The following ZNF18 variants were observed in gnomAD, a reference collection of about 807,000 sequenced individuals.
The protein encoded by ZNF18 is heart development-specific gene 1 protein.
Under a neutral mutation model 58.1 loss-of-function variants are expected in ZNF18, and 42 were observed. The ratio of observed to expected loss-of-function variants is 0.72; its 90% CI spans 0.56 to 0.93. The LOEUF (loss-of-function observed/expected upper bound fraction) is 0.93. Ranked by LOEUF, ZNF18 falls within the 40% of genes least tolerant of loss-of-function variation. The probability of loss-of-function intolerance (pLI) is 0.00; values close to 1 mark genes in which losing one functional copy is unlikely to be tolerated. For synonymous variants in ZNF18, 231 were observed against 239.8 expected, an observed-to-expected ratio of 0.96 and a Z score of 0.34; for missense variants, 540 against 644.2, an observed-to-expected ratio of 0.84 and a Z score of 1.75.
chr17:12,019,666 A>T, the ZNF18 span, among the ~76,000 whole-genome samples: 1 of 152,058 alleles, frequency 6.6e-6, no homozygotes, highest in South Asian at 2.1e-4. Flanking sequence ...CACTTTTAGG[A>T]TCTGAGCCAT....
At chr17:12,014,258 A>G in the ZNF18 span, among the ~76,000 whole-genome samples, 38,419 of 152,170 alleles carry the variant, frequency 0.25, 5,382 homozygotes, top group Middle Eastern at 0.36. Flanking sequence ...TAGAGCTACC[A>G]TAAGATTCAT....
chr17:11,990,466 G>A lies in ZNF18; in HGVS notation c.662C>T (p.Pro221Leu). 6.2e-7 allele frequency: 1 copy of A among 1,612,380 alleles called. No individual in the cohort carries two copies. Among genetic ancestry groups the A allele is most frequent in the Non-Finnish European group, 8.5e-7 (1 of 1,179,506 alleles). Reference protein sequence around the residue: ...DLGASLLPAAPQEQWRQLDST... With the variant: ...DLGASLLPAALQEQWRQLDST... ...CGCTTTTGTACGTCAGCTCACCTGAGGTGCTGCTGGGAGCAGTGAGGCTCC... is the reference window on the plus strand; with the variant it reads ...CGCTTTTGTACGTCAGCTCACCTGAAGTGCTGCTGGGAGCAGTGAGGCTCC... The change falls in exon 4 of 7, where the codon CCT becomes CTT. Residue 221 changes from proline to leucine, a missense_variant. Physicochemically the swap from Pro to Leu is moderately conservative, Grantham distance 98 (BLOSUM62 -3). Coordinates refer to ENST00000580306, the MANE Select transcript of ZNF18 (RefSeq NM_001303281.2).
At chr17:12,016,972 G>A in the ZNF18 span, among the ~76,000 whole-genome samples, 1 of 152,052 alleles carries the variant, frequency 6.6e-6, no homozygotes, top group Non-Finnish European at 1.5e-5. Flanking sequence ...CAAGGCGGGT[G>A]GACCACCAGA....
chr17:12,021,094 G>A, the ZNF18 span: 1 of 747,246 alleles, frequency 1.3e-6, no homozygotes, highest in Non-Finnish European at 1.8e-6. Context: ...GGACCCGGCT[G>A]AGGAAGCCAC....
the ZNF18 span, among the ~76,000 whole-genome samples, chr17:12,008,542 T>C: frequency 6.6e-6 from 1 of 152,150 alleles, no homozygotes; most frequent in African/African-American, 2.4e-5. Context: ...ATACTTACAG[T>C]ACCATCTGGA....
the ZNF18 span, among the ~76,000 whole-genome samples, chr17:12,005,545 C>T: frequency 3.3e-5 from 5 of 152,134 alleles, no homozygotes; most frequent in Non-Finnish European, 7.4e-5. Flanking sequence ...TTCTTAGTAT[C>T]TGCTGCCAAT....
Position 11,997,454 on chromosome 17 carries a change from G to A in ZNF18, c.-106C>T, listed in dbSNP as rs1408132760. 4 of 152,260 alleles carry A rather than the reference G, an allele frequency of 2.6e-5. No homozygotes were observed. In the East Asian group the frequency reaches 7.7e-4, roughly 29 times the overall value. 9.4% of individuals were successfully genotyped at this position (152,260 alleles called of 1,614,324 possible). On this transcript the variant is annotated 5_prime_UTR_variant, in exon 1 of 7. Coordinates refer to ENST00000580306, the MANE Select transcript of ZNF18 (RefSeq NM_001303281.2). ...ACCTCGGCCCGCGGCGCCGGCTCCG[G>A]GCGCACTTCCGGGAGCTGGGTGGCT...
intron 5 of ZNF18, among the ~76,000 whole-genome samples, chr17:11,983,657 C>T (rs962648252): frequency 1.3e-5 from 2 of 152,066 alleles, no homozygotes; most frequent in African/African-American, 2.4e-5. Flanking sequence ...GACTACCTGG[C>T]AGGCTGGTGT....
the ZNF18 span, among the ~76,000 whole-genome samples, chr17:12,013,159 C>G: frequency 3.3e-5 from 5 of 152,112 alleles, no homozygotes; most frequent in Admixed American, 2.0e-4. Flanking sequence ...ACCGTGTTAG[C>G]TGGGAGGGTC....
chr17:12,010,067 C>G, the ZNF18 span, among the ~76,000 whole-genome samples: 1 of 151,592 alleles, frequency 6.6e-6, no homozygotes, highest in East Asian at 1.9e-4. Context: ...TGGTGCCTGT[C>G]GAGAATAGAT....
upstream of ZNF18, among the ~76,000 whole-genome samples, chr17:11,999,625 C>A (rs966948176): frequency 1.4e-4 from 21 of 152,288 alleles, no homozygotes; most frequent in African/African-American, 5.1e-4. Context: ...GCCCAGCACT[C>A]TTCCAATAGC....
At chr17:12,016,703 T>C in the ZNF18 span, among the ~76,000 whole-genome samples, 1 of 152,086 alleles carries the variant, frequency 6.6e-6, no homozygotes, top group Admixed American at 6.6e-5. Context: ...GTGTAGTTCT[T>C]GCAGAATAGA....
chr17:12,013,428 A>G, the ZNF18 span, among the ~76,000 whole-genome samples: 1 of 152,118 alleles, frequency 6.6e-6, no homozygotes, highest in Non-Finnish European at 1.5e-5. Context: ...CTTATCTTAT[A>G]TCTTCATGGT....
intron 1 of ZNF18, among the ~76,000 whole-genome samples, chr17:11,996,243 T>A (rs1361832674): frequency 6.6e-6 from 1 of 152,192 alleles, no homozygotes; most frequent in African/African-American, 2.4e-5. Context: ...TCAAATAACA[T>A]CTTAAAAAAC....
At position 11,978,149 on chromosome 17, in the gene ZNF18, G is replaced by A. The variant is rs1480180951; in HGVS notation, c.1458C>T (p.His486=). The A allele has an allele frequency of 2.5e-6, 4 of 1,614,150 alleles. No homozygotes were observed. The highest frequency in any genetic ancestry group is 3.4e-6 in the Non-Finnish European group (4 of 1,180,030). ...FSGLRHHEKI[H]TGEKPYKCPI... ...GACATTTATAGGGTTTCTCTCCTGT[G>A]TGGATTTTCTCGTGGTGGCGCAATC... The change falls in exon 7 of 7, where the codon CAC becomes CAT. Residue 486 remains histidine, a synonymous_variant. Transcript: ENST00000580306.
the ZNF18 span, among the ~76,000 whole-genome samples, chr17:12,017,363 G>A: frequency 2.0e-5 from 3 of 152,172 alleles, no homozygotes; most frequent in Non-Finnish European, 4.4e-5. Flanking sequence ...TGCCTGAAGA[G>A]GCAACATCCG....
In ZNF18 at chr17:11,992,466, C is replaced by T. The variant is rs148878294; in HGVS notation, c.364G>A (p.Asp122Asn). The T allele has an allele frequency of 5.1e-5, 82 of 1,614,040 alleles. No homozygotes were observed. In the African/African-American group the frequency reaches 8.7e-4, roughly 17 times the overall value. ...AVTLVESLKG[D>N]PQRLWQWISI... ...ACCCATTGCCACAGTCTCTGGGGGT[C>T]CCCCTTCAAGCTTTCCACAAGGGTC... Residue 122 changes from aspartate to asparagine, a missense_variant, in exon 2 of 7, where the codon GAC becomes AAC. Coordinates refer to ENST00000580306, the MANE Select transcript of ZNF18 (RefSeq NM_001303281.2).
the ZNF18 span, among the ~76,000 whole-genome samples, chr17:12,014,335 A>G: frequency 2.6e-5 from 4 of 152,244 alleles, no homozygotes; most frequent in East Asian, 5.8e-4. Flanking sequence ...ACTTGTACAA[A>G]TGCTCATTGC....
At chr17:12,006,518 T>C in the ZNF18 span, among the ~76,000 whole-genome samples, 1 of 152,210 alleles carries the variant, frequency 6.6e-6, no homozygotes, top group Admixed American at 6.5e-5. Context: ...TGAGATATCG[T>C]AATTTGTATG....
Sources: gnomAD v4.1 joint callset for allele counts (sites outside exome capture counted in the v4.1 genomes callset) on GRCh38, gnomAD v4.1.1 for gene constraint, MANE v1.5 for transcripts, NCBI Gene and HGNC (gene_info 2026-07-23, HGNC 2026-07-21) for gene names.